MTMR6: variants seen among roughly 807,000 people sequenced by gnomAD.
MTMR6 encodes the protein phosphatidylinositol-3,5-bisphosphate 3-phosphatase MTMR6.
Under a neutral mutation model 80.1 loss-of-function variants are expected in MTMR6, and 47 were observed. The observed-to-expected ratio is 0.59, with a 90% CI of 0.46 to 0.75. The LOEUF is 0.75. Ranked by LOEUF, MTMR6 falls within the 30% of genes least tolerant of loss-of-function variation. MTMR6 has a pLI of 0.00. For missense variants in MTMR6, 629 were observed against 730.9 expected, an observed-to-expected ratio of 0.86 and a Z score of 1.61; for synonymous variants, 254 against 253.0, an observed-to-expected ratio of 1.00 and a Z score of -0.04.
At position 25,285,389 on chromosome 13, in the gene MTMR6, GCCC is replaced by G. The variant is rs5802323; in HGVS notation, c.24+1832_24+1834del. 4.7e-4 allele frequency among the ~76,000 whole-genome samples: 32 copies of G among 67,538 alleles called. 1 individual carries two copies. The highest frequency in any genetic ancestry group is 1.3e-3 in the African/African-American group (20 of 15,042). The allele number at this position is 67,538 out of a possible 152,430, so 44.3% of individuals were successfully genotyped here. On this transcript the variant is annotated intron_variant, in intron 1 of 13. Transcript: ENST00000381801. ...TTTTACTGATTTTTTATTCTTTTCC[GCCC>G]CCCCCCCCCCAATTATGTCACCCAG...
intron 1 of MTMR6, among the ~76,000 whole-genome samples, chr13:25,280,053 T>C (rs1031122089): frequency 6.6e-6 from 1 of 152,146 alleles, no homozygotes; most frequent in African/African-American, 2.4e-5. Context: ...TGGAGTAAGC[T>C]GTGACAGAGA....
chr13:25,261,919 T>A, intron 5 of MTMR6, 117 bp from the exon 6 acceptor site: 1 of 909,026 alleles, frequency 1.1e-6, no homozygotes, highest in Non-Finnish European at 1.6e-6. Context: ...TAGGAGGCAT[T>A]AACTTTAAGA....
rs997813342 is a variant in MTMR6, at chr13:25,247,715, T to A, written c.*1517A>T. 3 of 152,180 alleles carry A rather than the reference T, an allele frequency of 2.0e-5. No homozygotes were observed. Among genetic ancestry groups the A allele is most frequent in the Non-Finnish European group, 4.4e-5 (3 of 67,998 alleles). The allele number at this position is 152,180 out of a possible 1,614,324, so 9.4% of individuals were successfully genotyped here. On this transcript the variant is annotated 3_prime_UTR_variant, in exon 14 of 14. Coordinates refer to ENST00000381801, the MANE Select transcript of MTMR6 (RefSeq NM_004685.5). ...ATATTTTTTAAATTACATAATGTAT[T>A]ACAGAAAAGCATTGGAAAAATAAAC...
In MTMR6 at chr13:25,257,436, A is replaced by G. The variant is rs1957236804; in HGVS notation, c.970-115T>C. ...AAGGAAGTGCTATGCCTGCAATGAT[A>G]ATGTCACAGCATAATTTCCAAAATA... On this transcript the variant is annotated intron_variant, in intron 8 of 13. Transcript: ENST00000381801. 4 of 1,227,294 alleles carry G rather than the reference A, an allele frequency of 3.3e-6. No homozygotes were observed. The South Asian group carries it at 6.5e-5, about 20-fold the overall frequency. 76.0% of individuals were successfully genotyped at this position (1,227,294 alleles called of 1,614,324 possible).
intron 3 of MTMR6, 33 bp downstream of exon 3, chr13:25,267,746 G>C: frequency 6.3e-7 from 1 of 1,578,802 alleles, no homozygotes; most frequent in South Asian, 1.2e-5. Context: ...ATCTCAAATT[G>C]AGCATGTAAG....
chr13:25,286,019 T>C (rs1957948452), intron 1 of MTMR6, among the ~76,000 whole-genome samples: 1 of 152,138 alleles, frequency 6.6e-6, no homozygotes, highest in Non-Finnish European at 1.5e-5. Context: ...TTCTACGAGT[T>C]TGGTTATAGA....
chr13:25,281,508 C>T (rs185441015), intron 1 of MTMR6, among the ~76,000 whole-genome samples: 2 of 139,024 alleles, frequency 1.4e-5, no homozygotes, highest in Non-Finnish European at 3.3e-5. Context: ...TCAGAAAATT[C>T]AGACACCTCT....
At position 25,246,349 on chromosome 13, in the gene MTMR6, G is replaced by T. The variant is rs1173533042; in HGVS notation, c.*2883C>A. Reference sequence around the variant, plus strand: ...CTAGATTCCAGGCTTTCTTCTAGATGTAAGTTCCTAAAGCTTATAGTTTAC... The same window carrying T: ...CTAGATTCCAGGCTTTCTTCTAGATTTAAGTTCCTAAAGCTTATAGTTTAC... On this transcript the variant is annotated 3_prime_UTR_variant, in exon 14 of 14. Transcript: ENST00000381801. 6.6e-6 allele frequency: 1 copy of T among 152,496 alleles called. No homozygotes were observed. The highest frequency in any genetic ancestry group is 1.5e-5 in the Non-Finnish European group (1 of 68,020). 9.4% of individuals were successfully genotyped at this position (152,496 alleles called of 1,614,324 possible).
In MTMR6 at chr13:25,265,166, A is replaced by G. The variant is rs958025835; in HGVS notation, c.591+653T>C. ...CTTACTATTAAAATGGGACCCTGAA[A>G]TGCCCTTGGTTCTCTCCCTTGTCTC... On this transcript the variant is annotated intron_variant, in intron 5 of 13. Transcript: ENST00000381801. Among the ~76,000 whole-genome samples, 4 of 152,324 alleles carry G rather than the reference A, an allele frequency of 2.6e-5. No individual in the cohort carries two copies. In the East Asian group the frequency reaches 7.7e-4, roughly 29 times the overall value.
chr13:25,257,989 G>T (rs781624708), intron 7 of MTMR6, 144 bp from the exon 8 acceptor site: 2 of 492,724 alleles, frequency 4.1e-6, no homozygotes, highest in Non-Finnish European at 6.9e-6. Context: ...GCTATTAAAA[G>T]CTCAATAACT....
At chr13:25,269,194 C>T (rs1447755142) in intron 2 of MTMR6, among the ~76,000 whole-genome samples, 1 of 152,166 alleles carries the variant, frequency 6.6e-6, no homozygotes, top group Admixed American at 6.5e-5. Context: ...CAGCACCTAA[C>T]ACAGTACCTG....
intron 1 of MTMR6, among the ~76,000 whole-genome samples, chr13:25,274,975 C>CACACACACACACAT (rs1555250672): frequency 1.8e-3 from 252 of 143,834 alleles, no homozygotes; most frequent in African/African-American, 6.7e-3. Context: ...CACACACACA[C>CACACACACACACAT]ACACACACAC....
At chr13:25,253,718 G>A (rs373745679) in intron 11 of MTMR6, 46 bp downstream of exon 11, 45 of 1,519,372 alleles carry the variant, frequency 3.0e-5, no homozygotes, top group Non-Finnish European at 3.6e-5. Context: ...GTTAGACCTC[G>A]GCTAAGTAGG....
At chr13:25,285,405 T>A (rs1293832124) in intron 1 of MTMR6, among the ~76,000 whole-genome samples, 1 of 99,170 alleles carries the variant, frequency 1.0e-5, no homozygotes, top group Non-Finnish European at 1.8e-5. Flanking sequence ...CCCCCCCCAA[T>A]TATGTCACCC....
chr13:25,262,167 T>C (rs936124528), intron 5 of MTMR6, among the ~76,000 whole-genome samples: 10 of 152,152 alleles, frequency 6.6e-5, no homozygotes, highest in Non-Finnish European at 1.5e-4. Context: ...TCAATAAAAA[T>C]AGAACAAGAA....
At chr13:25,255,493 A>C (rs1395996253) in intron 9 of MTMR6, among the ~76,000 whole-genome samples, 1 of 151,954 alleles carries the variant, frequency 6.6e-6, no homozygotes, top group African/African-American at 2.4e-5. Context: ...CTTCTATCCC[A>C]CATCCAATCC....
chr13:25,267,246 CA>C (rs771144201), intron 3 of MTMR6, among the ~76,000 whole-genome samples: 1,892 of 66,964 alleles, frequency 0.028, 42 homozygotes, highest in African/African-American at 0.076. Flanking sequence ...GATTCCATCT[CA>C]AAAAAAAAAA....
rs1236308564 is a variant in MTMR6 at position 25,251,870 on chromosome 13, T to C, written c.1461A>G (p.Thr487=). The C allele has an allele frequency of 1.2e-6, 2 of 1,607,998 alleles. No homozygotes were observed. The highest frequency in any genetic ancestry group is 1.3e-5 in the African/African-American group (1 of 74,520). ...SHRFTVLEPN[T]VSFNFKFWRN... ...CAACTTACTTAAAATTGAAAGATAC[T>C]GTATTTGGCTCCAAAACTGTAAATC... The change falls in exon 12 of 14, where the codon ACA becomes ACG. Residue 487 remains threonine, a synonymous_variant. Transcript: ENST00000381801. The surrounding 1 kb of genome is among the most constrained non-coding windows in gnomAD (Gnocchi z 4.1).
intron 1 of MTMR6, among the ~76,000 whole-genome samples, chr13:25,275,692 T>C (rs2137609424): frequency 6.6e-6 from 1 of 151,732 alleles, no homozygotes; most frequent in South Asian, 2.1e-4. Flanking sequence ...AAACCCCGTC[T>C]CTATCAAAAA....
Sources: allele counts gnomAD v4.1 joint callset (sites outside exome capture counted in the v4.1 genomes callset), GRCh38; gene constraint gnomAD v4.1.1; non-coding constraint Gnocchi (gnomAD v3.1); transcripts MANE v1.5; gene names NCBI Gene and HGNC (gene_info 2026-07-23, HGNC 2026-07-21).